COL14A1: variants seen among roughly 807,000 people sequenced by gnomAD.
The protein encoded by COL14A1 is collagen alpha-1(XIV) chain.
A neutral mutation model predicts 230.3 loss-of-function variants in COL14A1; 136 were observed. The ratio of observed to expected loss-of-function variants is 0.59; its 90% CI spans 0.51 to 0.68. The LOEUF is 0.68. COL14A1 is among the 30% of genes least tolerant of loss of function. The pLI, the probability that COL14A1 is intolerant of heterozygous loss-of-function variation, is 0.00. For synonymous variants in COL14A1, 792 were observed against 784.1 expected, an observed-to-expected ratio of 1.01 and a Z score of -0.17; for missense variants, 1,976 against 2,215.8, an observed-to-expected ratio of 0.89 and a Z score of 2.17.
At chr8:120,178,981 T>C (rs1816377116) in intron 5 of COL14A1, among the ~76,000 whole-genome samples, 1 of 152,156 alleles carries the variant, frequency 6.6e-6, no homozygotes, top group Non-Finnish European at 1.5e-5. Flanking sequence ...CTTTGTCAGA[T>C]GGATAGATGG....
chr8:120,205,560 G>C (rs1048484082), intron 9 of COL14A1, among the ~76,000 whole-genome samples: 34 of 152,096 alleles, frequency 2.2e-4, no homozygotes, highest in African/African-American at 7.7e-4. Context: ...CAAGAGTCTG[G>C]TTTTATTTGC....
chr8:120,156,773 T>G (rs917179692), intron 2 of COL14A1, among the ~76,000 whole-genome samples: 1 of 152,188 alleles, frequency 6.6e-6, no homozygotes, highest in African/African-American at 2.4e-5. Context: ...AGTATTGCCA[T>G]CACCTTTTCT....
Position 120,264,224 on chromosome 8 carries a change from T to C in COL14A1, c.3016+1210T>C, listed in dbSNP as rs1819436793. 2.0e-5 allele frequency among the ~76,000 whole-genome samples: 3 copies of C among 152,328 alleles called. No individual in the cohort carries two copies. The South Asian group carries it at 6.2e-4, about 32-fold the overall frequency. On this transcript the variant is annotated intron_variant, in intron 24 of 47. Transcript: ENST00000297848. ...TGGAAATATATCATATGTAGTCTTT[T>C]ACATCTGGCATCTTTCACTTAGCAT... is the stretch of plus-strand genomic sequence containing the variant.
intron 4 of COL14A1, among the ~76,000 whole-genome samples, chr8:120,167,401 A>C (rs1327796455): frequency 6.6e-6 from 1 of 152,212 alleles, no homozygotes; most frequent in Admixed American, 6.5e-5. Context: ...GCATTTTCAC[A>C]GGGTGTTTTA....
intron 26 of COL14A1, among the ~76,000 whole-genome samples, chr8:120,272,371 A>C (rs540604964): frequency 4.3e-4 from 65 of 151,896 alleles, no homozygotes; most frequent in Non-Finnish European, 3.0e-5. Flanking sequence ...TAGGGCCTAT[A>C]AAACAATAAC....
chr8:120,168,581 TTGCC>T (rs1474264309), intron 5 of COL14A1, among the ~76,000 whole-genome samples: 1 of 152,196 alleles, frequency 6.6e-6, no homozygotes, highest in African/African-American at 2.4e-5. Flanking sequence ...GCTCTCCCAC[TTGCC>T]TGCCTAAATT....
At chr8:120,318,788 G>C (rs1377564670) in intron 40 of COL14A1, among the ~76,000 whole-genome samples, 1 of 152,186 alleles carries the variant, frequency 6.6e-6, no homozygotes, top group Admixed American at 6.5e-5. Context: ...CATAGAAAGA[G>C]AGCAAACGCA....
At chr8:120,230,182 T>C (rs1818224893) in intron 18 of COL14A1, among the ~76,000 whole-genome samples, 1 of 152,134 alleles carries the variant, frequency 6.6e-6, no homozygotes, top group South Asian at 2.1e-4. Context: ...ATGCCTGGCC[T>C]TGTTGAGAAT....
intron 18 of COL14A1, among the ~76,000 whole-genome samples, chr8:120,230,446 GC>G (rs1818231555): frequency 6.6e-6 from 1 of 151,876 alleles, no homozygotes; most frequent in South Asian, 2.1e-4. Context: ...TCCTTATCAA[GC>G]CTTCTTTGTG....
rs940306598 is a variant in COL14A1 at position 120,218,294 on chromosome 8, A to C, written c.1737+1804A>C. Among the ~76,000 whole-genome samples the C allele has an allele frequency of 5.5e-4, 79 of 143,556 alleles. 1 individual carries two copies. The highest frequency in any genetic ancestry group is 3.7e-4 in the Non-Finnish European group (25 of 66,744). 94.2% of individuals were successfully genotyped at this position (143,556 alleles called of 152,430 possible). ...TATAATATATAAATAGATATATAATATATATAATATATATCATATATATAT... is the reference window on the plus strand; with the variant it reads ...TATAATATATAAATAGATATATAATCTATATAATATATATCATATATATAT... On this transcript the variant is annotated intron_variant, in intron 14 of 47. Coordinates refer to ENST00000297848, the MANE Select transcript of COL14A1 (RefSeq NM_021110.4).
intron 18 of COL14A1, 138 bp from the exon 19 acceptor site, chr8:120,231,329 C>A: frequency 1.2e-6 from 1 of 836,942 alleles, no homozygotes; most frequent in Non-Finnish European, 1.8e-6. Context: ...CATAGCTGAG[C>A]CCTTCTTGCC....
In COL14A1 at chr8:120,166,116, T is replaced by C. The variant is rs553781020; in HGVS notation, c.350-2045T>C. Among the ~76,000 whole-genome samples the C allele has an allele frequency of 5.9e-5, 9 of 152,158 alleles. No individual in the cohort carries two copies. In the South Asian group the frequency reaches 1.0e-3, roughly 18 times the overall value. ...GAGAAGTAGAAGGTAGAAATAGATC[T>C]AGGAGAGAATAATGAATAATAAGAG... is the stretch of plus-strand genomic sequence containing the variant. On this transcript the variant is annotated intron_variant, in intron 4 of 47. Coordinates refer to ENST00000297848, the MANE Select transcript of COL14A1 (RefSeq NM_021110.4).
chr8:120,363,266 G>A (rs1047654443), intron 45 of COL14A1, among the ~76,000 whole-genome samples: 8 of 152,184 alleles, frequency 5.3e-5, no homozygotes, highest in Non-Finnish European at 8.8e-5. Context: ...ATGAGATCAT[G>A]TACTTTGCAG....
At chr8:120,244,134 A>T in intron 20 of COL14A1, 126 bp downstream of exon 20, 2 of 1,077,458 alleles carry the variant, frequency 1.9e-6, no homozygotes, top group Non-Finnish European at 2.6e-6. Flanking sequence ...GGAACAGGAA[A>T]TCTGTCTGCA....
intron 47 of COL14A1, 111 bp downstream of exon 47, chr8:120,369,596 A>G: frequency 9.2e-7 from 1 of 1,087,842 alleles, no homozygotes; most frequent in Non-Finnish European, 1.2e-6. Flanking sequence ...TATGAATGGG[A>G]AGCAGAGCTT....
intron 1 of COL14A1, among the ~76,000 whole-genome samples, chr8:120,145,254 T>C (rs1289062186): frequency 1.3e-5 from 2 of 152,134 alleles, no homozygotes; most frequent in Non-Finnish European, 2.9e-5. Flanking sequence ...TCATATGAGA[T>C]GCAGGTGGAA....
chr8:120,231,403 C>T, intron 18 of COL14A1, 64 bp from the exon 19 acceptor site: 2 of 1,546,244 alleles, frequency 1.3e-6, no homozygotes, highest in South Asian at 1.2e-5. Flanking sequence ...CAGGTATTCT[C>T]TGTGGCTCAT....
At chr8:120,269,640 G>C (rs930280679) in intron 25 of COL14A1, among the ~76,000 whole-genome samples, 1 of 151,702 alleles carries the variant, frequency 6.6e-6, no homozygotes, top group Non-Finnish European at 1.5e-5. Flanking sequence ...AAAAGGACAG[G>C]GTGCACAGAG....
intron 34 of COL14A1, 96 bp from the exon 35 acceptor site, chr8:120,297,415 G>A (rs1210710063): frequency 5.6e-6 from 3 of 537,256 alleles, no homozygotes; most frequent in Non-Finnish European, 3.0e-6. Flanking sequence ...TATTATTAAT[G>A]TATTGGTATT....
Sources: gnomAD v4.1 joint callset for allele counts (sites outside exome capture counted in the v4.1 genomes callset) on GRCh38, gnomAD v4.1.1 for gene constraint, MANE v1.5 for transcripts, NCBI Gene and HGNC (gene_info 2026-07-23, HGNC 2026-07-21) for gene names.